The following EYA3 variants were observed in gnomAD, a reference collection of about 807,000 sequenced individuals.
The protein encoded by EYA3 is EYA transcriptional coactivator and phosphatase 3.
Under a neutral mutation model 80.0 loss-of-function variants are expected in EYA3, and 39 were observed. The ratio of observed to expected loss-of-function variants is 0.49; its 90% CI spans 0.38 to 0.64. The LOEUF (loss-of-function observed/expected upper bound fraction) is 0.64, where lower values mean the gene tolerates loss of function less well. Among genes scored for constraint, EYA3 ranks in the 30% least tolerant of loss-of-function variants. EYA3 has a pLI of 0.00. For synonymous variants in EYA3, 206 were observed against 232.8 expected (o/e 0.88, Z 1.05); for missense variants, 523 against 676.1 (o/e 0.77, Z 2.51).
chr1:28,011,039 C>G lies in EYA3; in HGVS notation c.817G>C (p.Asp273His). 1.9e-6 allele frequency: 3 copies of G among 1,614,036 alleles called. No homozygotes were observed. The highest frequency in any genetic ancestry group is 2.5e-6 in the Non-Finnish European group (3 of 1,179,986). The change falls in exon 10 of 18, where the codon GAT (aspartate) becomes CAT (histidine). Residue 273 changes from aspartate (D) to histidine (H), a missense_variant. Physicochemically the swap from Asp to His is moderately conservative, Grantham distance 81. Transcript: ENST00000373871. ...TTTTTCCTGGACTGATCATCAGTAT[C>G]TTTACTTGGTGTAGTCTGGGACAAA... ...PSLSQTTPSK[D>H]TDDQSRKNMT...
rs1044015981 is a variant in EYA3 at position 27,973,838 on chromosome 1, G to T, written c.*628C>A. 1 of 152,128 alleles carries T rather than the reference G, an allele frequency of 6.6e-6. No individual in the cohort carries two copies. The highest frequency in any genetic ancestry group is 2.4e-5 in the African/African-American group (1 of 41,410). 9.4% of individuals were successfully genotyped at this position (152,128 alleles called of 1,614,324 possible). On this transcript the variant is annotated 3_prime_UTR_variant, in exon 18 of 18. Transcript: ENST00000373871. ...TAAACACCCCTTCTTGCTAGAAAAA[G>T]AAAGTGGGGGAAACCTGCGTCAAAG... is the stretch of plus-strand genomic sequence containing the variant.
intron 6 of EYA3, among the ~76,000 whole-genome samples, chr1:28,033,935 C>T (rs572718871): frequency 6.6e-6 from 1 of 151,712 alleles, no homozygotes; most frequent in African/African-American, 2.4e-5. Flanking sequence ...TGGCTCATGC[C>T]TGTAATCCCA....
At chr1:28,039,160 A>AC (rs1242415089) in intron 4 of EYA3, among the ~76,000 whole-genome samples, 1 of 152,192 alleles carries the variant, frequency 6.6e-6, no homozygotes, top group African/African-American at 2.4e-5. Flanking sequence ...CTCTACCTTT[A>AC]CCCATTACTG....
chr1:27,999,283 C>T (rs866247221), intron 12 of EYA3, among the ~76,000 whole-genome samples: 17 of 152,266 alleles, frequency 1.1e-4, no homozygotes, highest in Admixed American at 2.6e-4. Flanking sequence ...AGAATGGGAA[C>T]ATAACTTTCC....
intron 1 of EYA3, among the ~76,000 whole-genome samples, chr1:28,073,103 T>TTCTCTATATATATATATATA (rs1447435853): frequency 5.3e-5 from 2 of 37,752 alleles, no homozygotes; most frequent in Non-Finnish European, 4.3e-5. Context: ...GATGAAACTA[T>TTCTCTATATATATATATATA]TATATATATA....
intron 1 of EYA3, among the ~76,000 whole-genome samples, chr1:28,079,989 C>A (rs1645363159): frequency 6.6e-6 from 1 of 152,000 alleles, no homozygotes; most frequent in Admixed American, 6.6e-5. Context: ...CTAGCAGTCA[C>A]TAAAATTTTG....
chr1:28,053,701 A>G (rs1644350178), intron 2 of EYA3, among the ~76,000 whole-genome samples: 1 of 152,252 alleles, frequency 6.6e-6, no homozygotes, highest in South Asian at 2.1e-4. Flanking sequence ...TGTAAAGATG[A>G]AATTTAAACA....
intron 1 of EYA3, among the ~76,000 whole-genome samples, chr1:28,074,043 G>A (rs1367922999): frequency 1.3e-5 from 2 of 152,038 alleles, no homozygotes; most frequent in African/African-American, 4.8e-5. Context: ...TGAAACACTG[G>A]CAGATAAAAC....
intron 1 of EYA3, among the ~76,000 whole-genome samples, chr1:28,062,610 G>A (rs958576967): frequency 3.3e-5 from 5 of 151,762 alleles, no homozygotes; most frequent in Middle Eastern, 3.4e-3. Context: ...TTGCTTCAAT[G>A]TGTTATTAAA....
At chr1:28,036,766 C>T (rs1005083508) in intron 5 of EYA3, among the ~76,000 whole-genome samples, 2 of 152,030 alleles carry the variant, frequency 1.3e-5, no homozygotes, top group African/African-American at 4.8e-5. Context: ...TGGTGAGTTA[C>T]ACTGTATATA....
intron 10 of EYA3, among the ~76,000 whole-genome samples, chr1:28,008,530 G>A (rs1359479342): frequency 3.3e-5 from 5 of 151,982 alleles, no homozygotes; most frequent in South Asian, 4.2e-4. Context: ...TACAGAATGG[G>A]AGAAAATATT....
intron 2 of EYA3, among the ~76,000 whole-genome samples, chr1:28,051,301 T>C (rs1018987283): frequency 2.9e-4 from 44 of 151,540 alleles, no homozygotes; most frequent in African/African-American, 1.0e-3. Context: ...AAGACAAACA[T>C]ACAAAAATCA....
rs563474501 is a variant in EYA3, at chr1:27,980,992, A to G, written c.1541-2518T>C. ...GGGAAGGTTAAGGTTGCAATGGGCT[A>G]TAATCGTGCCACTGCACTCCAGCCT... On this transcript the variant is annotated intron_variant, in intron 16 of 17. Transcript: ENST00000373871. 3.0e-3 allele frequency among the ~76,000 whole-genome samples: 450 copies of G among 152,312 alleles called. 1 individual carries two copies. The highest frequency in any genetic ancestry group is 0.01 in the African/African-American group (434 of 41,580).
At chr1:28,073,103 T>TTATATATACATATACATATATA (rs1553157587) in intron 1 of EYA3, among the ~76,000 whole-genome samples, 4 of 37,752 alleles carry the variant, frequency 1.1e-4, no homozygotes, top group African/African-American at 1.6e-4. Flanking sequence ...GATGAAACTA[T>TTATATATACATATACATATATA]TATATATATA....
intron 17 of EYA3, among the ~76,000 whole-genome samples, chr1:27,975,312 G>A (rs1638877164): frequency 1.3e-5 from 2 of 151,954 alleles, no homozygotes; most frequent in Non-Finnish European, 2.9e-5. Context: ...CTCCCAAGTA[G>A]CTGGGACTAA....
At position 28,013,659 on chromosome 1, in the gene EYA3, G is replaced by T. The variant is rs1358746395; in HGVS notation, c.586-365C>A. ...TGAGGGAAAGATTCTACTCTAAGAG[G>T]TTTACAAACTGTTGCACTAGATAAT... On this transcript the variant is annotated intron_variant, in intron 8 of 17. Transcript: ENST00000373871. The surrounding 1 kb of genome is among the most constrained non-coding windows in gnomAD (Gnocchi z 4.0). Among the ~76,000 whole-genome samples the T allele has an allele frequency of 6.6e-6, 1 of 152,084 alleles. No individual in the cohort carries two copies.
rs1359792043 is a variant in EYA3 at position 27,989,096 on chromosome 1, C to G, written c.1419-440G>C. Among the ~76,000 whole-genome samples the G allele has an allele frequency of 2.0e-4, 30 of 152,210 alleles. 1 individual carries two copies. Among genetic ancestry groups the G allele is most frequent in the Admixed American group, 2.0e-3 (30 of 15,278 alleles). On this transcript the variant is annotated intron_variant, in intron 15 of 17. Coordinates refer to ENST00000373871, the MANE Select transcript of EYA3 (RefSeq NM_001990.4). Reference sequence around the variant, plus strand: ...TCTTCACACAATAGCAACATAGATTCTAGAATACACATTAATTTTATATGT... The same window carrying G: ...TCTTCACACAATAGCAACATAGATTGTAGAATACACATTAATTTTATATGT...
intron 3 of EYA3, among the ~76,000 whole-genome samples, chr1:28,043,296 G>C (rs1009248305): frequency 1.4e-5 from 2 of 143,792 alleles, no homozygotes; most frequent in Non-Finnish European, 1.5e-5. Flanking sequence ...ACAATGTGAT[G>C]TTTTGATATA....
At chr1:27,987,813 A>C (rs1255306104) in intron 16 of EYA3, among the ~76,000 whole-genome samples, 2 of 152,172 alleles carry the variant, frequency 1.3e-5, no homozygotes, top group Non-Finnish European at 2.9e-5. Context: ...CAGCCTCCCA[A>C]GTAGCTGGGA....
Sources: allele counts gnomAD v4.1 joint callset (sites outside exome capture counted in the v4.1 genomes callset), GRCh38; gene constraint gnomAD v4.1.1; non-coding constraint Gnocchi (gnomAD v3.1); transcripts MANE v1.5; gene names NCBI Gene and HGNC (gene_info 2026-07-23, HGNC 2026-07-21).